The following CTNNA3 variants were observed in gnomAD, a reference collection of about 807,000 sequenced individuals.
The protein encoded by CTNNA3 is catenin alpha 3.
In CTNNA3, 76 loss-of-function variants were observed where a neutral mutation model predicts 95.7. The observed-to-expected ratio is 0.79, with a 90% CI of 0.66 to 0.96. The LOEUF (loss-of-function observed/expected upper bound fraction) is 0.96. Among genes scored for constraint, CTNNA3 ranks in the 40% least tolerant of loss-of-function variants. The pLI is 0.00. For synonymous variants in CTNNA3, 431 were observed against 374.4 expected, an observed-to-expected ratio of 1.15 and a Z score of -1.74; for missense variants, 1,191 against 1,089.8, an observed-to-expected ratio of 1.09 and a Z score of -1.31.
At chr10:66,620,435 C>T (rs892412424) in intron 10 of CTNNA3, among the ~76,000 whole-genome samples, 2 of 151,956 alleles carry the variant, frequency 1.3e-5, no homozygotes, top group Non-Finnish European at 2.9e-5. Context: ...TAAATATTTG[C>T]AAAAAGAATG....
At chr10:66,677,838 G>T (rs766084442) in intron 9 of CTNNA3, among the ~76,000 whole-genome samples, 6 of 151,578 alleles carry the variant, frequency 4.0e-5, no homozygotes, top group Non-Finnish European at 8.8e-5. Context: ...TAATACAAAA[G>T]ATTTTAAAAT....
intron 12 of CTNNA3, among the ~76,000 whole-genome samples, chr10:66,331,233 T>A (rs2092324276): frequency 6.6e-6 from 1 of 151,886 alleles, no homozygotes; most frequent in Non-Finnish European, 1.5e-5. Context: ...AAGCTTGAAT[T>A]AATTTGTGTA....
chr10:67,518,699 C>T (rs1368735181), intron 5 of CTNNA3, among the ~76,000 whole-genome samples: 3 of 151,994 alleles, frequency 2.0e-5, no homozygotes, highest in Admixed American at 2.0e-4. Context: ...CATTATCAAA[C>T]CTTATTTTGT....
intron 11 of CTNNA3, among the ~76,000 whole-genome samples, chr10:66,480,584 G>A (rs1010530096): frequency 7.2e-5 from 11 of 151,932 alleles, no homozygotes; most frequent in Admixed American, 2.0e-4. Flanking sequence ...ATAATTTTCA[G>A]ATGTTGGCAA....
At chr10:66,602,512 C>T (rs1025681876) in intron 10 of CTNNA3, among the ~76,000 whole-genome samples, 9 of 151,742 alleles carry the variant, frequency 5.9e-5, no homozygotes, top group Non-Finnish European at 2.9e-5. Context: ...AGCTTGAGTT[C>T]ACTATATAAA....
At chr10:66,665,760 T>C (rs1197403269) in intron 9 of CTNNA3, among the ~76,000 whole-genome samples, 2 of 152,190 alleles carry the variant, frequency 1.3e-5, no homozygotes, top group Non-Finnish European at 2.9e-5. Context: ...GCAATACTTT[T>C]ATATGATCAT....
rs1354962222 is a variant in CTNNA3, at chr10:66,118,448, A to G, written c.1885-15199T>C. On this transcript the variant is annotated intron_variant, in intron 13 of 17. Coordinates refer to ENST00000433211, the MANE Select transcript of CTNNA3 (RefSeq NM_013266.4). ...AAGAAAACTAATAATAACATATACTATTCTTAAAATCAATCATTCTTTTTA... is the reference window on the plus strand; with the variant it reads ...AAGAAAACTAATAATAACATATACTGTTCTTAAAATCAATCATTCTTTTTA... 4.6e-5 allele frequency: 7 copies of G among 152,340 alleles called. No individual in the cohort carries two copies. In the South Asian group the frequency reaches 1.0e-3, roughly 23 times the overall value. 9.4% of individuals were successfully genotyped at this position (152,340 alleles called of 1,614,324 possible). A position where few individuals can be genotyped will look rare whatever the true frequency, so the allele number is the denominator to read the frequency against.
chr10:65,941,853 A>G (rs2077434900), intron 17 of CTNNA3, among the ~76,000 whole-genome samples: 2 of 150,358 alleles, frequency 1.3e-5, no homozygotes, highest in Non-Finnish European at 3.0e-5. Context: ...AACAATGGGG[A>G]GAAAAAAAAA....
intron 15 of CTNNA3, among the ~76,000 whole-genome samples, chr10:66,023,603 A>G (rs2079268325): frequency 6.6e-6 from 1 of 152,330 alleles, no homozygotes; most frequent in Non-Finnish European, 1.5e-5. Flanking sequence ...AACAAATTAT[A>G]CTTTAAAAGT....
chr10:67,316,455 T>C (rs982117896), intron 5 of CTNNA3, among the ~76,000 whole-genome samples: 2 of 152,108 alleles, frequency 1.3e-5, no homozygotes, highest in Non-Finnish European at 2.9e-5. Flanking sequence ...ATCTAGTAAC[T>C]CCCACCACCA....
intron 9 of CTNNA3, among the ~76,000 whole-genome samples, chr10:66,722,942 A>G (rs1032260473): frequency 6.6e-6 from 1 of 152,090 alleles, no homozygotes; most frequent in Non-Finnish European, 1.5e-5. Flanking sequence ...GTCCAATCAC[A>G]GTGTGAGGCC....
intron 5 of CTNNA3, among the ~76,000 whole-genome samples, chr10:67,407,442 A>G (rs887648956): frequency 2.8e-4 from 42 of 152,314 alleles, no homozygotes; most frequent in African/African-American, 9.9e-4. Flanking sequence ...GCCATATATG[A>G]GAAACCCACA....
chr10:67,740,370 C>T (rs1226317480), intron 1 of CTNNA3, among the ~76,000 whole-genome samples: 2 of 151,640 alleles, frequency 1.3e-5, no homozygotes, highest in Non-Finnish European at 2.9e-5. Flanking sequence ...AGTGAACAGG[C>T]AACCCACAAA....
At chr10:66,482,926 T>C (rs945153094) in intron 11 of CTNNA3, among the ~76,000 whole-genome samples, 4 of 152,166 alleles carry the variant, frequency 2.6e-5, no homozygotes, top group Admixed American at 2.6e-4. Context: ...TGTTTCATCC[T>C]AAACTGATGG....
chr10:66,105,115 G>A (rs964090137), intron 13 of CTNNA3, among the ~76,000 whole-genome samples: 4 of 152,054 alleles, frequency 2.6e-5, no homozygotes, highest in Non-Finnish European at 1.5e-5. Flanking sequence ...CCCCCCTCTC[G>A]CCAAAGCCTT....
intron 13 of CTNNA3, among the ~76,000 whole-genome samples, chr10:66,221,127 GT>G (rs1261798409): frequency 6.6e-6 from 1 of 152,128 alleles, no homozygotes; most frequent in African/African-American, 2.4e-5. Context: ...TTCTGACCAG[GT>G]AATATGAATT....
Position 67,057,267 on chromosome 10 carries a change from C to CTG in CTNNA3, c.1047+123048_1047+123049dup, listed in dbSNP as rs568460321. ...ATTAATATATCTATTATGTCACATA[C>CTG]TGTGTGTGTGTGCTGAGAATACTTA... On this transcript the variant is annotated intron_variant, in intron 7 of 17. Transcript: ENST00000433211. Among the ~76,000 whole-genome samples, 23 of 151,958 alleles carry CTG rather than the reference C, an allele frequency of 1.5e-4. 1 individual carries two copies. The highest frequency in any genetic ancestry group is 3.9e-4 in the East Asian group (2 of 5,192).
intron 7 of CTNNA3, among the ~76,000 whole-genome samples, chr10:67,129,316 C>T (rs1859876241): frequency 6.6e-6 from 1 of 152,146 alleles, no homozygotes; most frequent in African/African-American, 2.4e-5. Flanking sequence ...TCAAATGTTA[C>T]CACTTTGCTT....
At chr10:67,667,250 G>T (rs1410083796) in intron 1 of CTNNA3, among the ~76,000 whole-genome samples, 1 of 152,002 alleles carries the variant, frequency 6.6e-6, no homozygotes, top group Non-Finnish European at 1.5e-5. Flanking sequence ...CAATTTATAG[G>T]TTCTTTATTT....
Sources: gnomAD v4.1 joint callset for allele counts (sites outside exome capture counted in the v4.1 genomes callset) on GRCh38, gnomAD v4.1.1 for gene constraint, MANE v1.5 for transcripts, NCBI Gene and HGNC (gene_info 2026-07-23, HGNC 2026-07-21) for gene names.